Variants in UBE2O observed in about 807,000 individuals in gnomAD.
The protein encoded by UBE2O is ubiquitin conjugating enzyme E2 O.
UBE2O carries 15 observed loss-of-function variants against 125.8 expected under a neutral mutation model. That is an observed-to-expected ratio of 0.12 (90% CI 0.08 to 0.18). UBE2O has a LOEUF of 0.18. UBE2O is among the 10% of genes least tolerant of loss of function. The pLI, the probability that UBE2O is intolerant of heterozygous loss-of-function variation, is 1.00. For synonymous variants in UBE2O, 708 were observed against 703.2 expected (o/e 1.01, Z -0.11); for missense variants, 1,280 against 1,723.6 (o/e 0.74, Z 4.56).
At chr17:76,421,764 G>A (rs1033110375) in intron 1 of UBE2O, among the ~76,000 whole-genome samples, 7 of 152,226 alleles carry the variant, frequency 4.6e-5, no homozygotes, top group African/African-American at 1.7e-4. Context: ...TGGCTGAGAA[G>A]GGCTTGTGGC....
At position 76,395,706 on chromosome 17, in the gene UBE2O, C is replaced by A; in HGVS notation, c.2946+19G>T. On this transcript the variant is annotated intron_variant, in intron 15 of 17. Transcript: ENST00000319380. This position sits in a 1 kb window ranked among gnomAD's most constrained non-coding sequence, Gnocchi z 5.0. ...GCCCACACAGCACATCTGCACCTGC[C>A]CATGCCAAGCCTACTTGCCATTCTA... The A allele has an allele frequency of 6.2e-7, 1 of 1,610,910 alleles. No homozygotes were observed. The highest frequency in any genetic ancestry group is 8.5e-7 in the Non-Finnish European group (1 of 1,178,604).
chr17:76,446,120 C>T (rs1316702331), intron 1 of UBE2O, among the ~76,000 whole-genome samples: 1 of 152,214 alleles, frequency 6.6e-6, no homozygotes, highest in African/African-American at 2.4e-5. Context: ...AACTCCCCAT[C>T]GCCATCCAGA....
In UBE2O at chr17:76,402,222, A is replaced by C; in HGVS notation, c.687-95T>G. 1 of 1,104,544 alleles carries C rather than the reference A, an allele frequency of 9.1e-7. No individual in the cohort carries two copies. Among genetic ancestry groups the C allele is most frequent in the South Asian group, 1.4e-5 (1 of 72,204 alleles). 68.4% of individuals were successfully genotyped at this position (1,104,544 alleles called of 1,614,324 possible). On this transcript the variant is annotated intron_variant, in intron 4 of 17. Coordinates refer to ENST00000319380, the MANE Select transcript of UBE2O (RefSeq NM_022066.4). This position sits in a 1 kb window ranked among gnomAD's most constrained non-coding sequence, Gnocchi z 5.4. The stretch of plus-strand genomic sequence containing the variant: ...GATGCCAATGCGCCCACATGCCCTA[A>C]ATAGCACAATTCGTCTTCTACCATC...
rs1483059184 is a variant in UBE2O, at chr17:76,402,994, T to TGGGACATCCATGGACAC, written c.589-312_589-296dup. Among the ~76,000 whole-genome samples, 3 of 152,052 alleles carry TGGGACATCCATGGACAC rather than the reference T, an allele frequency of 2.0e-5. No individual in the cohort carries two copies. Among genetic ancestry groups the TGGGACATCCATGGACAC allele is most frequent in the Non-Finnish European group, 4.4e-5 (3 of 67,992 alleles). On this transcript the variant is annotated intron_variant, in intron 3 of 17. Coordinates refer to ENST00000319380, the MANE Select transcript of UBE2O (RefSeq NM_022066.4). This position sits in a 1 kb window ranked among gnomAD's most constrained non-coding sequence, Gnocchi z 5.4. ...AGAGGCCTGATGGCATCCATGGACA[T>TGGGACATCCATGGACAC]GGGACATCCATGGACACAGGACACC...
chr17:76,442,128 G>A (rs986662511), intron 1 of UBE2O, among the ~76,000 whole-genome samples: 1 of 152,150 alleles, frequency 6.6e-6, no homozygotes. Context: ...GCTTCATTTC[G>A]ACCACAGGTG....
intron 1 of UBE2O, among the ~76,000 whole-genome samples, chr17:76,436,981 AAACAAC>A (rs894039842): frequency 6.6e-6 from 1 of 152,062 alleles, no homozygotes; most frequent in Non-Finnish European, 1.5e-5. Context: ...AATGCAAAAC[AAACAAC>A]AACAACAAAA....
At position 76,453,097 on chromosome 17, in the gene UBE2O, G is replaced by C. The variant is rs1042022438; in HGVS notation, c.45C>G (p.Ala15=). Residue 15 remains alanine (A), a synonymous_variant, in exon 1 of 18, where the codon GCC becomes GCG. Coordinates refer to ENST00000319380, the MANE Select transcript of UBE2O (RefSeq NM_022066.4). ...CCTCCGGGGCTGGAGCCGGGGCCTG[G>C]GCTGGAGCGGGAGCTGCGGGCGTGG... is the stretch of plus-strand genomic sequence containing the variant. ...AAPTPAAPAP[A]QAPAPAPEAV... 1.0e-6 allele frequency: 1 copy of C among 985,896 alleles called. No individual in the cohort carries two copies. Among genetic ancestry groups the C allele is most frequent in the African/African-American group, 1.7e-5 (1 of 58,272 alleles). The allele number at this position is 985,896 out of a possible 1,614,324, so 61.1% of individuals were successfully genotyped here. A position where few individuals can be genotyped will look rare whatever the true frequency, so the allele number is the denominator to read the frequency against.
rs1315831418 is a variant in UBE2O at position 76,452,067 on chromosome 17, T to C, written c.417+658A>G. Among the ~76,000 whole-genome samples the C allele has an allele frequency of 6.6e-6, 1 of 152,024 alleles. No individual in the cohort carries two copies. The highest frequency in any genetic ancestry group is 2.4e-5 in the African/African-American group (1 of 41,390). ...GGAGTCCATATGCACTTAGGAGTCA[T>C]CAATCCCGGTCGCAGCTGTCAGAAT... On this transcript the variant is annotated intron_variant, in intron 1 of 17. Coordinates refer to ENST00000319380, the MANE Select transcript of UBE2O (RefSeq NM_022066.4). The surrounding 1 kb of genome is among the most constrained non-coding windows in gnomAD (Gnocchi z 4.4).
At chr17:76,439,627 G>C (rs2073049579) in intron 1 of UBE2O, among the ~76,000 whole-genome samples, 2 of 152,118 alleles carry the variant, frequency 1.3e-5, no homozygotes, top group African/African-American at 4.8e-5. Context: ...AGCTCACAAA[G>C]CTAAAAAATT....
Position 76,405,665 on chromosome 17 carries a change from A to G in UBE2O, c.418-93T>C. The G allele has an allele frequency of 8.9e-7, 1 of 1,120,042 alleles. No homozygotes were observed. The highest frequency in any genetic ancestry group is 1.3e-6 in the Non-Finnish European group (1 of 763,906). 69.4% of individuals were successfully genotyped at this position (1,120,042 alleles called of 1,614,324 possible). A position where few individuals can be genotyped will look rare whatever the true frequency, so the allele number is the denominator to read the frequency against. The stretch of plus-strand genomic sequence containing the variant: ...GCTTCTGAAGGAAAGCGTCACATCC[A>G]CACTGCTAAGTGCACAAATCCTAAG... On this transcript the variant is annotated intron_variant, in intron 1 of 17. Transcript: ENST00000319380. This position sits in a 1 kb window ranked among gnomAD's most constrained non-coding sequence, Gnocchi z 6.1.
At chr17:76,392,678 C>T (rs2072133482) in intron 15 of UBE2O, among the ~76,000 whole-genome samples, 1 of 149,746 alleles carries the variant, frequency 6.7e-6, no homozygotes, top group East Asian at 2.1e-4. Flanking sequence ...TCCAGCTGGG[C>T]GCGGTGGTTC....
rs894326622 is a variant in UBE2O at position 76,402,743 on chromosome 17, G to A, written c.589-44C>T. The A allele has an allele frequency of 8.0e-6, 12 of 1,508,128 alleles. No homozygotes were observed. Among genetic ancestry groups the A allele is most frequent in the South Asian group, 3.4e-5 (3 of 89,106 alleles). 93.4% of individuals were successfully genotyped at this position (1,508,128 alleles called of 1,614,324 possible). A position where few individuals can be genotyped will look rare whatever the true frequency, so the allele number is the denominator to read the frequency against. The stretch of plus-strand genomic sequence containing the variant: ...GGGGCAGTGAGACACAGCAGACAAC[G>A]TTCATGTCCAGGGCACAGATTCCTC... On this transcript the variant is annotated intron_variant, in intron 3 of 17. Coordinates refer to ENST00000319380, the MANE Select transcript of UBE2O (RefSeq NM_022066.4). The surrounding 1 kb of genome is among the most constrained non-coding windows in gnomAD (Gnocchi z 5.4).
chr17:76,414,021 C>G (rs1426459957), intron 1 of UBE2O, among the ~76,000 whole-genome samples: 1 of 152,198 alleles, frequency 6.6e-6, no homozygotes, highest in Non-Finnish European at 1.5e-5. Flanking sequence ...AGGACTTTCT[C>G]AGAGCAGTTG....
In UBE2O at chr17:76,406,392, C is replaced by T. The variant is rs565267180; in HGVS notation, c.418-820G>A. ...TGGATGGGTCTCTGTGTGTGTCCAC[C>T]TCCGAGACCCCAAACCACATGGCTG... On this transcript the variant is annotated intron_variant, in intron 1 of 17. Coordinates refer to ENST00000319380, the MANE Select transcript of UBE2O (RefSeq NM_022066.4). Among the ~76,000 whole-genome samples, 5 of 152,234 alleles carry T rather than the reference C, an allele frequency of 3.3e-5. No homozygotes were observed. In the East Asian group the frequency reaches 9.7e-4, roughly 29 times the overall value.
rs553260402 is a variant in UBE2O at position 76,395,188 on chromosome 17, A to AT, written c.2946+536dup. ...ACCGCACCCGGCCTATTTCAAAGTA[A>AT]TTTTTTTTTTTGAGACAGAATCTCG... On this transcript the variant is annotated intron_variant, in intron 15 of 17. Coordinates refer to ENST00000319380, the MANE Select transcript of UBE2O (RefSeq NM_022066.4). The surrounding 1 kb of genome is among the most constrained non-coding windows in gnomAD (Gnocchi z 5.0). Among the ~76,000 whole-genome samples the AT allele has an allele frequency of 5.7e-3, 741 of 130,492 alleles. 3 individuals carry two copies. Among genetic ancestry groups the AT allele is most frequent in the African/African-American group, 7.8e-3 (269 of 34,642 alleles). 85.6% of individuals were successfully genotyped at this position (130,492 alleles called of 152,430 possible).
intron 1 of UBE2O, among the ~76,000 whole-genome samples, chr17:76,407,499 C>T (rs554965589): frequency 6.6e-6 from 1 of 152,302 alleles, no homozygotes; most frequent in South Asian, 2.1e-4. Flanking sequence ...CAGGAGAATC[C>T]AATGCAAGGG....
intron 1 of UBE2O, among the ~76,000 whole-genome samples, chr17:76,436,522 T>C (rs2073000569): frequency 6.6e-6 from 1 of 152,088 alleles, no homozygotes. Flanking sequence ...CTATTACACC[T>C]GGGACTTTCC....
rs115566409 is a variant in UBE2O, at chr17:76,446,998, C to T, written c.417+5727G>A. ...GCCAGTGCGAATGCAGTGTTCCTCC[C>T]GTCCTGCTCCCTACCCATCATCTCC... On this transcript the variant is annotated intron_variant, in intron 1 of 17. Coordinates refer to ENST00000319380, the MANE Select transcript of UBE2O (RefSeq NM_022066.4). 2.4e-3 allele frequency among the ~76,000 whole-genome samples: 371 copies of T among 152,322 alleles called. 6 individuals carry two copies. Among genetic ancestry groups the T allele is most frequent in the African/African-American group, 8.1e-3 (335 of 41,578 alleles).
chr17:76,406,763 A>G (rs1440977389), intron 1 of UBE2O, among the ~76,000 whole-genome samples: 1 of 129,806 alleles, frequency 7.7e-6, no homozygotes, highest in Non-Finnish European at 1.5e-5. Context: ...GCAATGGCGC[A>G]GTCTCGGCTC....
Sources: gnomAD v4.1 joint callset for allele counts (sites outside exome capture counted in the v4.1 genomes callset) on GRCh38, gnomAD v4.1.1 for gene constraint, Gnocchi (gnomAD v3.1) non-coding constraint, MANE v1.5 for transcripts, NCBI Gene and HGNC (gene_info 2026-07-23, HGNC 2026-07-21) for gene names.